Variants in ARHGAP32 observed in about 807,000 individuals in gnomAD.
ARHGAP32 encodes Rho GTPase activating protein 32.
In ARHGAP32, 51 loss-of-function variants were observed where a neutral mutation model predicts 186.5. That is an observed-to-expected ratio of 0.27 (90% CI 0.22 to 0.35). ARHGAP32 has a LOEUF of 0.35. ARHGAP32 is among the 10% of genes least tolerant of loss of function. The pLI, the probability that ARHGAP32 is intolerant of heterozygous loss-of-function variation, is 1.00. For missense variants in ARHGAP32, 2,186 were observed against 2,623.5 expected, an observed-to-expected ratio of 0.83 and a Z score of 3.64; for synonymous variants, 950 against 964.3, an observed-to-expected ratio of 0.99 and a Z score of 0.27.
intron 1 of ARHGAP32, among the ~76,000 whole-genome samples, chr11:129,246,197 A>G (rs1298816580): frequency 6.6e-6 from 1 of 152,238 alleles, no homozygotes; most frequent in Admixed American, 6.5e-5. Flanking sequence ...TCAGAAACTC[A>G]TTTAAAGAGG....
At chr11:129,090,079 GAATA>G (rs1193616058) in intron 6 of ARHGAP32, among the ~76,000 whole-genome samples, 4 of 152,126 alleles carry the variant, frequency 2.6e-5, no homozygotes, top group African/African-American at 9.7e-5. Context: ...TATGAAATGG[GAATA>G]AATGACACCT....
intron 1 of ARHGAP32, among the ~76,000 whole-genome samples, chr11:129,180,128 A>T (rs968309131): frequency 4.6e-5 from 7 of 152,168 alleles, no homozygotes; most frequent in African/African-American, 1.7e-4. Context: ...TTATTTATTA[A>T]GAGAAAAAAT....
In ARHGAP32 at chr11:128,968,367, T is replaced by G. The variant is rs1206218628; in HGVS notation, c.*540A>C. The G allele has an allele frequency of 6.6e-6, 1 of 152,190 alleles. No individual in the cohort carries two copies. Among genetic ancestry groups the G allele is most frequent in the African/African-American group, 2.4e-5 (1 of 41,430 alleles). 9.4% of individuals were successfully genotyped at this position (152,190 alleles called of 1,614,324 possible). A position where few individuals can be genotyped will look rare whatever the true frequency, so the allele number is the denominator to read the frequency against. ...CAACTGTCTGACTGACCTTGAAGGA[T>G]CAGGGATTTTTCCACGACTCTAACT... On this transcript the variant is annotated 3_prime_UTR_variant, in exon 23 of 23. Transcript: ENST00000682385.
chr11:129,051,865 G>T (rs867889057), intron 10 of ARHGAP32, among the ~76,000 whole-genome samples: 1 of 148,300 alleles, frequency 6.7e-6, no homozygotes, highest in Non-Finnish European at 1.5e-5. Context: ...TGAAGTGGGA[G>T]AATCGCTTGA....
chr11:129,156,384 G>A (rs1943407012), intron 2 of ARHGAP32, among the ~76,000 whole-genome samples: 1 of 152,160 alleles, frequency 6.6e-6, no homozygotes, highest in Non-Finnish European at 1.5e-5. Context: ...AAGTCGACCT[G>A]GGATGCTCGA....
intron 18 of ARHGAP32, among the ~76,000 whole-genome samples, 181 bp from the exon 19 acceptor site, chr11:128,979,096 A>G (rs1945635518): frequency 6.6e-6 from 1 of 152,218 alleles, no homozygotes; most frequent in South Asian, 2.1e-4. Context: ...CAGAAAATGG[A>G]TAGTAAACAT....
intron 1 of ARHGAP32, among the ~76,000 whole-genome samples, chr11:129,230,580 T>C (rs1944844898): frequency 0.024 from 1 of 42 alleles, no homozygotes; most frequent in Non-Finnish European, 0.071. Context: ...ACAAGTTTAG[T>C]ATAGGCATTG....
intron 2 of ARHGAP32, among the ~76,000 whole-genome samples, chr11:129,137,285 C>T (rs561635982): frequency 6.6e-6 from 1 of 151,632 alleles, no homozygotes; most frequent in East Asian, 1.9e-4. Context: ...TAGGAGGGAA[C>T]AAAGAGATAG....
intron 11 of ARHGAP32, among the ~76,000 whole-genome samples, chr11:129,012,228 TA>T (rs1377669040): frequency 6.6e-6 from 1 of 152,214 alleles, no homozygotes; most frequent in Non-Finnish European, 1.5e-5. Context: ...ATAATATTGG[TA>T]ACAACTTTAT....
intron 2 of ARHGAP32, among the ~76,000 whole-genome samples, chr11:129,145,197 C>T (rs1943143011): frequency 6.6e-6 from 1 of 151,970 alleles, no homozygotes; most frequent in Non-Finnish European, 1.5e-5. Context: ...TTTACAGGTA[C>T]TTTATTATGG....
chr11:129,196,360 GCTT>G (rs1460715692), upstream of ARHGAP32, among the ~76,000 whole-genome samples: 2 of 152,092 alleles, frequency 1.3e-5, no homozygotes, highest in African/African-American at 4.8e-5. Context: ...ACATGTACAG[GCTT>G]CTTCTTGTCA....
intron 11 of ARHGAP32, among the ~76,000 whole-genome samples, chr11:129,027,415 C>T (rs1443119433): frequency 6.6e-6 from 1 of 152,170 alleles, no homozygotes; most frequent in African/African-American, 2.4e-5. Context: ...GCCAAAACCC[C>T]TATGGTGACA....
intron 1 of ARHGAP32, among the ~76,000 whole-genome samples, chr11:129,176,557 G>A (rs992319951): frequency 6.7e-6 from 1 of 148,958 alleles, no homozygotes; most frequent in African/African-American, 2.5e-5. Flanking sequence ...CTCAGCAAAT[G>A]TAAAAGAACA....
At chr11:129,193,618 T>TATATAATATATGA (rs1944331954), upstream of ARHGAP32, among the ~76,000 whole-genome samples, 1 of 57,188 alleles carries the variant, frequency 1.7e-5, no homozygotes, top group South Asian at 3.7e-4. Context: ...ATAATATATG[T>TATATAATATATGA]TATATAATAT....
In ARHGAP32 at chr11:129,139,281, TATTA is replaced by T. The variant is rs1232857708; in HGVS notation, c.226-14391_226-14388del. 9.8e-5 allele frequency among the ~76,000 whole-genome samples: 15 copies of T among 152,330 alleles called. No individual in the cohort carries two copies. In the East Asian group the frequency reaches 1.3e-3, roughly 14 times the overall value. On this transcript the variant is annotated intron_variant, in intron 2 of 22. Coordinates refer to ENST00000682385, the MANE Select transcript of ARHGAP32 (RefSeq NM_001378024.1). Reference sequence around the variant, plus strand: ...AAAAATATATAACAAAACTCAGTCTTATTAATTAAACAGCAATAATATGTCCTAT... The same window carrying T: ...AAAAATATATAACAAAACTCAGTCTTATTAAACAGCAATAATATGTCCTAT...
intron 2 of ARHGAP32, among the ~76,000 whole-genome samples, chr11:129,129,506 T>G (rs1000237806): frequency 6.6e-6 from 1 of 151,488 alleles, no homozygotes; most frequent in African/African-American, 2.4e-5. Flanking sequence ...GGAGCCCCTC[T>G]GCCCGGCCGC....
intron 10 of ARHGAP32, among the ~76,000 whole-genome samples, chr11:129,056,949 G>A (rs867246119): frequency 1.6e-4 from 25 of 152,130 alleles, no homozygotes; most frequent in African/African-American, 5.8e-4. Context: ...AACCACCGGT[G>A]ACAGCCAACA....
rs1205269583 is a variant in ARHGAP32, at chr11:129,126,088, C to A, written c.226-1194G>T. 1.8e-5 allele frequency: 5 copies of A among 279,478 alleles called. No individual in the cohort carries two copies. The Admixed American group carries it at 2.0e-4, about 11-fold the overall frequency. 17.3% of individuals were successfully genotyped at this position (279,478 alleles called of 1,614,324 possible). A position where few individuals can be genotyped will look rare whatever the true frequency, so the allele number is the denominator to read the frequency against. Reference sequence around the variant, plus strand: ...CAGTACTCATCATCATTCAATTATACCCTATCATACTAGAAAAAAATTTTA... The same window carrying A: ...CAGTACTCATCATCATTCAATTATAACCTATCATACTAGAAAAAAATTTTA... On this transcript the variant is annotated intron_variant, in intron 2 of 22. Transcript: ENST00000682385.
At chr11:128,981,391 G>C in intron 17 of ARHGAP32, 25 bp downstream of exon 17, 1 of 1,558,344 alleles carries the variant, frequency 6.4e-7, no homozygotes, top group East Asian at 2.3e-5. Flanking sequence ...CACCCTCCTG[G>C]TAGGAAGGGC....
Sources: gnomAD v4.1 joint callset for allele counts (sites outside exome capture counted in the v4.1 genomes callset) on GRCh38, gnomAD v4.1.1 for gene constraint, MANE v1.5 for transcripts, NCBI Gene and HGNC (gene_info 2026-07-23, HGNC 2026-07-21) for gene names.